The following KAT2B variants were observed in gnomAD, a reference collection of about 807,000 sequenced individuals.
The protein encoded by KAT2B is histone acetyltransferase KAT2B.
In KAT2B, 36 loss-of-function variants were observed where a neutral mutation model predicts 105.9. That is an observed-to-expected ratio of 0.34 (90% confidence interval 0.26 to 0.45). KAT2B has a LOEUF of 0.45. KAT2B is among the 20% of genes least tolerant of loss of function. The pLI, the probability that KAT2B is intolerant of heterozygous loss-of-function variation, is 1.00. For missense variants in KAT2B, 820 were observed against 1,021.6 expected, an observed-to-expected ratio of 0.80 and a Z score of 2.69; for synonymous variants, 397 against 377.9, an observed-to-expected ratio of 1.05 and a Z score of -0.59.
intron 1 of KAT2B, among the ~76,000 whole-genome samples, chr3:20,061,807 T>G (rs1408474972): frequency 7.7e-6 from 1 of 129,346 alleles, no homozygotes; most frequent in Non-Finnish European, 1.6e-5. Context: ...ATATATTATA[T>G]ATTATACATA....
Position 20,129,231 on chromosome 3 carries a change from A to T in KAT2B, c.1749+1682A>T, listed in dbSNP as rs77150935. The stretch of plus-strand genomic sequence containing the variant: ...CTAGTAGTTATATGTATATATTTTT[A>T]AAAAAGCAAGTGGAATCCAGTGAGA... On this transcript the variant is annotated intron_variant, in intron 11 of 17. Transcript: ENST00000263754. Among the ~76,000 whole-genome samples, 3,616 of 152,160 alleles carry T rather than the reference A, an allele frequency of 0.024. 368 individuals are homozygous for T. The South Asian group carries it at 0.3, about 13-fold the overall frequency.
chr3:20,069,529 C>CT (rs754535544), intron 1 of KAT2B, among the ~76,000 whole-genome samples: 10,328 of 81,388 alleles, frequency 0.13, 462 homozygotes, highest in East Asian at 0.4. Flanking sequence ...CTTTTCTTTT[C>CT]TTTTTTTTTT....
At chr3:20,057,249 G>T (rs1337632787) in intron 1 of KAT2B, among the ~76,000 whole-genome samples, 1 of 152,174 alleles carries the variant, frequency 6.6e-6, no homozygotes, top group Admixed American at 6.6e-5. Flanking sequence ...TATTGGGATG[G>T]AGGGCAAGCC....
At chr3:20,146,688 A>G (rs1575161385) in intron 14 of KAT2B, 2 of 288,004 alleles carry the variant, frequency 6.9e-6, no homozygotes, top group Non-Finnish European at 1.3e-5. Flanking sequence ...TGCCATTTGT[A>G]GCACAGTGCG....
intron 2 of KAT2B, among the ~76,000 whole-genome samples, chr3:20,081,188 G>A (rs182493526): frequency 7.9e-5 from 12 of 152,292 alleles, no homozygotes; most frequent in Admixed American, 6.5e-4. Context: ...ATCCTATTGT[G>A]TTATTTGCTT....
At chr3:20,068,517 A>G (rs1490132742) in intron 1 of KAT2B, among the ~76,000 whole-genome samples, 1 of 151,538 alleles carries the variant, frequency 6.6e-6, no homozygotes, top group East Asian at 1.9e-4. Context: ...CCCTCTGCTA[A>G]GTTCCCTGTA....
intron 8 of KAT2B, among the ~76,000 whole-genome samples, chr3:20,121,690 G>T (rs1699309647): frequency 8.2e-6 from 1 of 122,180 alleles, no homozygotes; most frequent in Non-Finnish European, 1.8e-5. Flanking sequence ...CAAATATATA[G>T]CTATATATAC....
At chr3:20,109,823 A>C (rs1440355861) in intron 5 of KAT2B, among the ~76,000 whole-genome samples, 1 of 152,222 alleles carries the variant, frequency 6.6e-6, no homozygotes, top group Non-Finnish European at 1.5e-5. Context: ...TATTGTAAAC[A>C]TAAACAACAT....
At chr3:20,094,999 A>G (rs1032832343) in intron 2 of KAT2B, among the ~76,000 whole-genome samples, 2 of 152,320 alleles carry the variant, frequency 1.3e-5, no homozygotes, top group South Asian at 2.1e-4. Flanking sequence ...TTCTTAAAAT[A>G]TACATTATTT....
chr3:20,047,107 G>A lies in KAT2B; in HGVS notation c.303+6327G>A, dbSNP rs974385990. Among the ~76,000 whole-genome samples, 3 of 150,316 alleles carry A rather than the reference G, an allele frequency of 2.0e-5. No individual in the cohort carries two copies. The East Asian group carries it at 6.2e-4, about 31-fold the overall frequency. Reference sequence around the variant, plus strand: ...TTTTTTTTTTCTGAGGCTTTTTTGAGGCAGGGTCTTACTCTGCTTCCCAGG... The same window carrying A: ...TTTTTTTTTTCTGAGGCTTTTTTGAAGCAGGGTCTTACTCTGCTTCCCAGG... On this transcript the variant is annotated intron_variant, in intron 1 of 17. Transcript: ENST00000263754.
At chr3:20,118,257 A>T (rs1466854792) in intron 7 of KAT2B, among the ~76,000 whole-genome samples, 1 of 146,504 alleles carries the variant, frequency 6.8e-6, no homozygotes, top group Non-Finnish European at 1.5e-5. Context: ...TTTTACAAAA[A>T]TATGTAAATA....
chr3:20,071,009 T>C lies in KAT2B; in HGVS notation c.304-1324T>C, dbSNP rs7640713. On this transcript the variant is annotated intron_variant, in intron 1 of 17. Coordinates refer to ENST00000263754, the MANE Select transcript of KAT2B (RefSeq NM_003884.5). The stretch of plus-strand genomic sequence containing the variant: ...GGGCAACACAGAGAGACTCTGTATA[T>C]AAAAAAAAAAAAACCAAAAAGTTTG... Among the ~76,000 whole-genome samples, 168 of 149,144 alleles carry C rather than the reference T, an allele frequency of 1.1e-3. 3 individuals carry two copies. Among genetic ancestry groups the C allele is most frequent in the African/African-American group, 3.9e-3 (159 of 40,678 alleles).
At position 20,146,459 on chromosome 3, in the gene KAT2B, A is replaced by C. The variant is rs1395068731; in HGVS notation, c.2119+29A>C. ...CGTATAGACCTTCTTTTAAAAGCGA[A>C]ATTTTTTAGTAATGCCGTGGTTTGT... is the stretch of plus-strand genomic sequence containing the variant. On this transcript the variant is annotated intron_variant, in intron 14 of 17. Coordinates refer to ENST00000263754, the MANE Select transcript of KAT2B (RefSeq NM_003884.5). 3.9e-6 allele frequency: 5 copies of C among 1,283,116 alleles called. No individual in the cohort carries two copies. In the African/African-American group the frequency reaches 7.4e-5, roughly 19 times the overall value. The allele number at this position is 1,283,116 out of a possible 1,614,324, so 79.5% of individuals were successfully genotyped here.
Position 20,056,660 on chromosome 3 carries a change from A to G in KAT2B, c.304-15673A>G, listed in dbSNP as rs1575107614. ...GAGAAACTGGGACATAGGGTCTGCT[A>G]GGTTAGGAAGAAATGAGTTGATAGA... On this transcript the variant is annotated intron_variant, in intron 1 of 17. Coordinates refer to ENST00000263754, the MANE Select transcript of KAT2B (RefSeq NM_003884.5). 1.3e-5 allele frequency among the ~76,000 whole-genome samples: 2 copies of G among 152,328 alleles called. 1 individual carries two copies. The highest frequency in any genetic ancestry group is 4.1e-4 in the South Asian group (2 of 4,826).
chr3:20,142,855 A>G (rs1056807177), intron 13 of KAT2B, among the ~76,000 whole-genome samples: 1 of 152,070 alleles, frequency 6.6e-6, no homozygotes, highest in African/African-American at 2.4e-5. Flanking sequence ...CGAATAGGCT[A>G]TGAGCAAGCA....
chr3:20,114,665 A>G (rs78154827), intron 6 of KAT2B, among the ~76,000 whole-genome samples: 1 of 152,302 alleles, frequency 6.6e-6, no homozygotes, highest in African/African-American at 2.4e-5. Flanking sequence ...GTGTTAAGCT[A>G]TGCAGGGTCA....
intron 2 of KAT2B, among the ~76,000 whole-genome samples, chr3:20,080,652 C>G (rs1698502496): frequency 1.3e-5 from 2 of 152,280 alleles, no homozygotes; most frequent in South Asian, 4.1e-4. Flanking sequence ...GAGGAGCTTT[C>G]AAAGTTTATA....
chr3:20,124,531 T>C (rs1699364730), intron 9 of KAT2B, among the ~76,000 whole-genome samples: 1 of 152,160 alleles, frequency 6.6e-6, no homozygotes, highest in African/African-American at 2.4e-5. Context: ...AGGCCATTCA[T>C]GAGGGGTCTG....
At chr3:20,085,662 C>A (rs982677146) in intron 2 of KAT2B, among the ~76,000 whole-genome samples, 12 of 151,958 alleles carry the variant, frequency 7.9e-5, no homozygotes, top group African/African-American at 2.9e-4. Flanking sequence ...TGGCATGCAC[C>A]ACCACACCCG....
Sources: gnomAD v4.1 joint callset for allele counts (sites outside exome capture counted in the v4.1 genomes callset) on GRCh38, gnomAD v4.1.1 for gene constraint, MANE v1.5 for transcripts, NCBI Gene and HGNC (gene_info 2026-07-23, HGNC 2026-07-21) for gene names.